The following GFRAL variants were observed in gnomAD, a reference collection of about 807,000 sequenced individuals.
GFRAL encodes the protein GDNF family receptor alpha-like.
In GFRAL, 36 loss-of-function variants were observed where a neutral mutation model predicts 45.4. That is an observed-to-expected ratio of 0.79 (90% CI 0.61 to 1.05). The LOEUF (loss-of-function observed/expected upper bound fraction) is 1.05, where lower values mean the gene tolerates loss of function less well. Among genes scored for constraint, GFRAL ranks in the 50% least tolerant of loss-of-function variants. The probability of loss-of-function intolerance (pLI) is 0.00; values close to 1 mark genes in which losing one functional copy is unlikely to be tolerated. For synonymous variants in GFRAL, 166 were observed against 154.1 expected, an observed-to-expected ratio of 1.08 and a Z score of -0.57; for missense variants, 507 against 467.5, an observed-to-expected ratio of 1.08 and a Z score of -0.78.
chr6:55,334,047 A>G lies in GFRAL; in HGVS notation c.316+103A>G. On this transcript the variant is annotated intron_variant, in intron 3 of 8. Coordinates refer to ENST00000340465, the MANE Select transcript of GFRAL (RefSeq NM_207410.2). ...TGTGATTAATGTTTTTTGTAATTTG[A>G]TTAATTCTTTTCAAAGCTTTATTAT... 3.9e-6 allele frequency: 3 copies of G among 769,284 alleles called. No homozygotes were observed. The South Asian group carries it at 7.4e-5, about 19-fold the overall frequency. The allele number at this position is 769,284 out of a possible 1,614,324, so 47.7% of individuals were successfully genotyped here.
intron 6 of GFRAL, among the ~76,000 whole-genome samples, chr6:55,361,718 G>T (rs1179928611): frequency 2.0e-5 from 3 of 151,886 alleles, no homozygotes; most frequent in African/African-American, 7.3e-5. Flanking sequence ...GTAGCACAAG[G>T]ACATTTGCTG....
chr6:55,341,099 A>G (rs1349681254), intron 3 of GFRAL, among the ~76,000 whole-genome samples: 2 of 152,252 alleles, frequency 1.3e-5, no homozygotes, highest in African/African-American at 4.8e-5. Context: ...CTCTGTGGGC[A>G]GGGCATAGCC....
At chr6:55,389,055 T>C (rs1768714784) in intron 6 of GFRAL, among the ~76,000 whole-genome samples, 1 of 152,214 alleles carries the variant, frequency 6.6e-6, no homozygotes, top group Non-Finnish European at 1.5e-5. Context: ...ACATCCTGAC[T>C]GTATAGATAT....
intron 6 of GFRAL, among the ~76,000 whole-genome samples, chr6:55,374,890 C>T (rs978359189): frequency 2.0e-5 from 3 of 152,106 alleles, no homozygotes; most frequent in African/African-American, 7.2e-5. Flanking sequence ...TTCCTTTCCC[C>T]ACTGCTTGTT....
At chr6:55,345,213 CA>C (rs1196148219) in intron 3 of GFRAL, among the ~76,000 whole-genome samples, 8 of 152,078 alleles carry the variant, frequency 5.3e-5, no homozygotes, top group Non-Finnish European at 1.0e-4. Context: ...CATATGGAAC[CA>C]AAAAAGGGCC....
rs1176247801 is a variant in GFRAL at position 55,331,701 on chromosome 6, T to A, written c.23-14T>A. On this transcript the variant is annotated splice_polypyrimidine_tract_variant and intron_variant, in intron 1 of 8. Transcript: ENST00000340465. ...ATTTATATTACAACCTTGTTTTTGT[T>A]GTTGTTATTCAAGCTATGGGGTTAA... 6.3e-7 allele frequency: 1 copy of A among 1,593,356 alleles called. No homozygotes were observed. The highest frequency in any genetic ancestry group is 1.4e-5 in the African/African-American group (1 of 73,966).
At chr6:55,390,893 C>CAT (rs1491361079) in intron 6 of GFRAL, among the ~76,000 whole-genome samples, 1 of 122,614 alleles carries the variant, frequency 8.2e-6, no homozygotes, top group Non-Finnish European at 1.7e-5. Context: ...ATCTCACACA[C>CAT]ATACACACAC....
At chr6:55,349,984 T>C (rs1284066828) in intron 3 of GFRAL, 108 bp from the exon 4 acceptor site, 4 of 707,198 alleles carry the variant, frequency 5.7e-6, no homozygotes, top group Non-Finnish European at 1.0e-5. Context: ...GTATGTACTT[T>C]TGCTTGAATA....
intron 1 of GFRAL, among the ~76,000 whole-genome samples, chr6:55,331,410 A>AG (rs1445213091): frequency 1.3e-5 from 2 of 152,180 alleles, no homozygotes; most frequent in African/African-American, 4.8e-5. Context: ...TAGATTTTAA[A>AG]GGGGTAATTA....
chr6:55,368,025 C>T (rs1354484286), intron 6 of GFRAL, among the ~76,000 whole-genome samples: 1 of 148,174 alleles, frequency 6.7e-6, no homozygotes, highest in East Asian at 1.9e-4. Flanking sequence ...TGGATAATAT[C>T]CTGCAGAGTG....
chr6:55,395,175 A>ATATATATAT (rs1554136792), intron 6 of GFRAL, among the ~76,000 whole-genome samples: 186 of 123,446 alleles, frequency 1.5e-3, no homozygotes, highest in South Asian at 8.2e-3. Flanking sequence ...AAAAAAAAAA[A>ATATATATAT]ATATATATAT....
rs2397185 is a variant in GFRAL at position 55,390,920 on chromosome 6, A to G, written c.953-8260A>G. Among the ~76,000 whole-genome samples the G allele has an allele frequency of 7.2e-3, 1,051 of 145,394 alleles. 12 individuals are homozygous for G. Among genetic ancestry groups the G allele is most frequent in the African/African-American group, 0.026 (974 of 37,972 alleles). The stretch of plus-strand genomic sequence containing the variant: ...TACACACACACACACACACACACAC[A>G]CACACACACACACAAGTAGTGGTCT... On this transcript the variant is annotated intron_variant, in intron 6 of 8. Transcript: ENST00000340465.
At chr6:55,336,283 T>C (rs1767890427) in intron 3 of GFRAL, among the ~76,000 whole-genome samples, 1 of 152,218 alleles carries the variant, frequency 6.6e-6, no homozygotes, top group Non-Finnish European at 1.5e-5. Context: ...AATCAGCTTG[T>C]CAATGTCTGC....
intron 5 of GFRAL, among the ~76,000 whole-genome samples, chr6:55,352,920 T>C (rs1333048528): frequency 1.3e-5 from 2 of 152,056 alleles, no homozygotes; most frequent in East Asian, 1.9e-4. Flanking sequence ...ATGGATCTTA[T>C]AGTCCAGAGA....
intron 5 of GFRAL, among the ~76,000 whole-genome samples, chr6:55,355,506 G>A (rs934666549): frequency 6.6e-6 from 1 of 151,938 alleles, no homozygotes; most frequent in Non-Finnish European, 1.5e-5. Flanking sequence ...GGACTACTTT[G>A]AAGATTTGTT....
intron 6 of GFRAL, among the ~76,000 whole-genome samples, chr6:55,391,477 A>G (rs1390092964): frequency 6.6e-6 from 1 of 152,196 alleles, no homozygotes; most frequent in African/African-American, 2.4e-5. Context: ...AGGGCTACAC[A>G]TAGTGGCTCA....
chr6:55,342,619 C>A (rs549582516), intron 3 of GFRAL, among the ~76,000 whole-genome samples: 15 of 150,932 alleles, frequency 9.9e-5, no homozygotes, highest in Non-Finnish European at 2.1e-4. Flanking sequence ...CTGCATCAAC[C>A]AACGAGCAAA....
chr6:55,400,950 T>C (rs1247588877), intron 8 of GFRAL, among the ~76,000 whole-genome samples: 3 of 152,100 alleles, frequency 2.0e-5, no homozygotes, highest in Non-Finnish European at 4.4e-5. Flanking sequence ...ATACAGAATG[T>C]ATAAAATTTA....
chr6:55,335,938 T>G (rs1562047728), intron 3 of GFRAL, among the ~76,000 whole-genome samples: 4 of 147,450 alleles, frequency 2.7e-5, no homozygotes. Context: ...TATTTTATTT[T>G]TGTTGTGTTG....
Sources: gnomAD v4.1 joint callset for allele counts (sites outside exome capture counted in the v4.1 genomes callset) on GRCh38, gnomAD v4.1.1 for gene constraint, MANE v1.5 for transcripts, NCBI Gene and HGNC (gene_info 2026-07-23, HGNC 2026-07-21) for gene names.